Variants in TESC observed in about 807,000 individuals in gnomAD.
TESC encodes calcineurin B homologous protein 3.
In TESC, 19 loss-of-function variants were observed where a neutral mutation model predicts 31.0. The ratio of observed to expected loss-of-function variants is 0.61; its 90% CI spans 0.43 to 0.90. The LOEUF (loss-of-function observed/expected upper bound fraction) is 0.90, where lower values mean the gene tolerates loss of function less well. Ranked by LOEUF, TESC falls within the 40% of genes least tolerant of loss-of-function variation. TESC has a pLI of 0.00. For missense variants in TESC, 248 were observed against 303.8 expected, an observed-to-expected ratio of 0.82 and a Z score of 1.36; for synonymous variants, 109 against 114.8, an observed-to-expected ratio of 0.95 and a Z score of 0.32.
intron 1 of TESC, among the ~76,000 whole-genome samples, chr12:117,098,888 G>T (rs968836036): frequency 1.3e-5 from 2 of 151,690 alleles, no homozygotes; most frequent in African/African-American, 4.8e-5. Flanking sequence ...CGCGCCAGCG[G>T]GGGTGCCTGA....
intron 3 of TESC, among the ~76,000 whole-genome samples, chr12:117,049,903 GA>G (rs66797686): frequency 0.46 from 40,093 of 86,722 alleles, 7,219 homozygotes; most frequent in Middle Eastern, 0.6. Context: ...CCTGTCTCAA[GA>G]AAAAAAAAAA....
intron 1 of TESC, among the ~76,000 whole-genome samples, chr12:117,078,090 G>A (rs1051871183): frequency 3.9e-5 from 6 of 152,132 alleles, no homozygotes; most frequent in Non-Finnish European, 5.9e-5. Flanking sequence ...GATGCAACAC[G>A]TACAAAAACA....
At chr12:117,098,579 G>C (rs1227121892) in intron 1 of TESC, 1 of 152,280 alleles carries the variant, frequency 6.6e-6, no homozygotes, top group African/African-American at 2.4e-5. Flanking sequence ...GGGCCGATGC[G>C]GGGCGCGCAG....
chr12:117,076,940 T>C (rs567282061), intron 1 of TESC, among the ~76,000 whole-genome samples: 3 of 152,260 alleles, frequency 2.0e-5, no homozygotes, highest in African/African-American at 7.2e-5. Flanking sequence ...CTGGGGACTA[T>C]ATACAGTTCA....
chr12:117,062,092 G>A (rs1031759219), intron 2 of TESC, among the ~76,000 whole-genome samples: 2 of 152,100 alleles, frequency 1.3e-5, no homozygotes, highest in African/African-American at 4.8e-5. Context: ...ATTAATAGTA[G>A]TAATAATAAT....
intron 2 of TESC, among the ~76,000 whole-genome samples, chr12:117,063,680 C>A (rs1014379001): frequency 6.6e-6 from 1 of 152,178 alleles, no homozygotes; most frequent in Non-Finnish European, 1.5e-5. Flanking sequence ...GCCACTTTGC[C>A]GGGCTGCCTG....
At position 117,075,913 on chromosome 12, in the gene TESC, A is replaced by ATATATATATATATATATATGTG. The variant is rs1265957613; in HGVS notation, c.59-574_59-573insCACATATATATATATATATATA. Among the ~76,000 whole-genome samples the ATATATATATATATATATATGTG allele has an allele frequency of 1.3e-4, 7 of 51,952 alleles. No individual in the cohort carries two copies. In the East Asian group the frequency reaches 2.3e-3, roughly 17 times the overall value. The allele number at this position is 51,952 out of a possible 152,430, so 34.1% of individuals were successfully genotyped here. ...TATATATATATATATATATATATATATGTGTGTGTGTATATATATATATAT... is the reference window on the plus strand; with the variant it reads ...TATATATATATATATATATATATATATATATATATATATATATATGTGTGTGTGTGTGTATATATATATATAT... On this transcript the variant is annotated intron_variant, in intron 1 of 7. Coordinates refer to ENST00000335209, the MANE Select transcript of TESC (RefSeq NM_017899.4).
At chr12:117,071,794 C>T (rs1198567996) in intron 2 of TESC, among the ~76,000 whole-genome samples, 2 of 152,114 alleles carry the variant, frequency 1.3e-5, no homozygotes, top group East Asian at 3.9e-4. Context: ...GAGTCCGGCG[C>T]CATCAGCACA....
At chr12:117,053,158 C>T (rs11068305) in intron 3 of TESC, among the ~76,000 whole-genome samples, 1 of 152,192 alleles carries the variant, frequency 6.6e-6, no homozygotes, top group Non-Finnish European at 1.5e-5. Flanking sequence ...GACTGAGGTC[C>T]CTGCCCCCTC....
intron 2 of TESC, among the ~76,000 whole-genome samples, chr12:117,067,190 T>C (rs899860155): frequency 3.9e-5 from 6 of 152,126 alleles, no homozygotes; most frequent in African/African-American, 1.4e-4. Flanking sequence ...CCTCTTGGAA[T>C]ATATTAAATT....
chr12:117,039,818 T>C (rs1226847263), intron 7 of TESC, among the ~76,000 whole-genome samples: 1 of 152,236 alleles, frequency 6.6e-6, no homozygotes, highest in Non-Finnish European at 1.5e-5. Flanking sequence ...GGTGGCCCCA[T>C]TCCTGGTGCT....
At chr12:117,064,052 G>C (rs747564949) in intron 2 of TESC, among the ~76,000 whole-genome samples, 2 of 152,016 alleles carry the variant, frequency 1.3e-5, no homozygotes, top group East Asian at 3.9e-4. Flanking sequence ...AGCCTCCTGA[G>C]CAGCTGGGAC....
intron 2 of TESC, among the ~76,000 whole-genome samples, chr12:117,062,385 C>T (rs761530611): frequency 3.9e-4 from 59 of 152,062 alleles, no homozygotes; most frequent in Non-Finnish European, 6.3e-4. Flanking sequence ...CCATGCCCAG[C>T]TAATTTTTGT....
At chr12:117,099,135 TCA>T in intron 1 of TESC, 88 bp downstream of exon 1, 2 of 1,368,800 alleles carry the variant, frequency 1.5e-6, no homozygotes, top group South Asian at 1.5e-5. Flanking sequence ...TGGCCCAAGG[TCA>T]CACAGCGCGG....
chr12:117,043,646 G>A (rs1455241267), intron 6 of TESC, among the ~76,000 whole-genome samples: 2 of 152,050 alleles, frequency 1.3e-5, no homozygotes, highest in East Asian at 3.9e-4. Flanking sequence ...AAATTTTTTA[G>A]CAGAGACAGG....
At chr12:117,039,349 CTG>C (rs1217288368) in intron 7 of TESC, 139 bp from the exon 8 acceptor site, 2 of 798,092 alleles carry the variant, frequency 2.5e-6, no homozygotes, top group Admixed American at 4.6e-5. Context: ...AACCAGAGGG[CTG>C]TGTTTCAAGA....
intron 3 of TESC, among the ~76,000 whole-genome samples, chr12:117,049,802 G>A (rs1954620861): frequency 6.6e-6 from 1 of 151,162 alleles, no homozygotes; most frequent in African/African-American, 2.4e-5. Flanking sequence ...TCGGGAGGCT[G>A]AGGCGAGAGA....
intron 1 of TESC, among the ~76,000 whole-genome samples, chr12:117,081,900 T>C (rs1955153803): frequency 6.6e-6 from 1 of 150,686 alleles, no homozygotes; most frequent in Non-Finnish European, 1.5e-5. Flanking sequence ...GCAAAAACTC[T>C]GTCTCAAAAA....
intron 1 of TESC, among the ~76,000 whole-genome samples, chr12:117,096,454 G>A (rs558397508): frequency 1.3e-5 from 2 of 152,312 alleles, no homozygotes; most frequent in African/African-American, 4.8e-5. Flanking sequence ...GGATCCAGGT[G>A]GGGGTACTGA....
Sources: gnomAD v4.1 joint callset for allele counts (sites outside exome capture counted in the v4.1 genomes callset) on GRCh38, gnomAD v4.1.1 for gene constraint, MANE v1.5 for transcripts, NCBI Gene and HGNC (gene_info 2026-07-23, HGNC 2026-07-21) for gene names.